JPH1: variants seen among roughly 807,000 people sequenced by gnomAD.
The protein encoded by JPH1 is junctophilin-1.
JPH1 carries 12 observed loss-of-function variants against 53.6 expected under a neutral mutation model. The ratio of observed to expected loss-of-function variants is 0.22; its 90% CI spans 0.14 to 0.36. JPH1 has a LOEUF of 0.36. Among genes scored for constraint, JPH1 ranks in the 10% least tolerant of loss-of-function variants. The probability of loss-of-function intolerance (pLI) is 1.00; values close to 1 mark genes in which losing one functional copy is unlikely to be tolerated. For synonymous variants in JPH1, 375 were observed against 363.8 expected, an observed-to-expected ratio of 1.03 and a Z score of -0.35; for missense variants, 808 against 905.5, an observed-to-expected ratio of 0.89 and a Z score of 1.38.
At chr8:74,272,123 ATG>A (rs1315644323) in intron 2 of JPH1, among the ~76,000 whole-genome samples, 1 of 152,170 alleles carries the variant, frequency 6.6e-6, no homozygotes, top group Non-Finnish European at 1.5e-5. Flanking sequence ...TAACTTTTGA[ATG>A]TGTGTTCCCT....
At chr8:74,310,740 T>C (rs1450838417) in intron 2 of JPH1, among the ~76,000 whole-genome samples, 1 of 152,212 alleles carries the variant, frequency 6.6e-6, no homozygotes, top group African/African-American at 2.4e-5. Context: ...CCTGGAGACA[T>C]TATTGGAGAA....
At chr8:74,284,412 G>A (rs1329501722) in intron 2 of JPH1, among the ~76,000 whole-genome samples, 1 of 152,062 alleles carries the variant, frequency 6.6e-6, no homozygotes, top group East Asian at 1.9e-4. Flanking sequence ...CTGTATTCCG[G>A]TCAAACGCTG....
chr8:74,250,253 C>T (rs1226888069), intron 3 of JPH1, among the ~76,000 whole-genome samples: 1 of 152,106 alleles, frequency 6.6e-6, no homozygotes, highest in Admixed American at 6.5e-5. Flanking sequence ...ATGCCTCAGC[C>T]TCCCAAGTAG....
intron 2 of JPH1, among the ~76,000 whole-genome samples, chr8:74,287,491 A>T (rs936631104): frequency 6.6e-6 from 1 of 152,076 alleles, no homozygotes; most frequent in African/African-American, 2.4e-5. Flanking sequence ...AAGGTTATCT[A>T]CTGATTGTTA....
intron 2 of JPH1, among the ~76,000 whole-genome samples, chr8:74,313,067 A>T (rs945666886): frequency 1.1e-4 from 17 of 152,188 alleles, no homozygotes; most frequent in Admixed American, 6.5e-4. Context: ...CTGTTATACA[A>T]ACTCCTCCAA....
At chr8:74,272,302 T>C (rs1806722315) in intron 2 of JPH1, among the ~76,000 whole-genome samples, 1 of 152,192 alleles carries the variant, frequency 6.6e-6, no homozygotes, top group African/African-American at 2.4e-5. Context: ...ACACAGGTAA[T>C]TCTGCCTAGT....
intron 3 of JPH1, among the ~76,000 whole-genome samples, chr8:74,245,915 G>GAAA (rs112727683): frequency 5.8e-5 from 5 of 86,226 alleles, no homozygotes; most frequent in Non-Finnish European, 8.2e-5. Flanking sequence ...AGGAAAAAAT[G>GAAA]AAAAAAAAAA....
intron 4 of JPH1, among the ~76,000 whole-genome samples, chr8:74,238,373 T>C (rs1805599483): frequency 6.6e-6 from 1 of 152,180 alleles, no homozygotes; most frequent in Non-Finnish European, 1.5e-5. Context: ...GGGTCACACA[T>C]CATTGACTCA....
chr8:74,306,086 A>C (rs898427138), intron 2 of JPH1, among the ~76,000 whole-genome samples: 6 of 152,194 alleles, frequency 3.9e-5, no homozygotes, highest in Admixed American at 2.6e-4. Context: ...GTCATAACAC[A>C]AAGTGTTCCC....
chr8:74,300,464 A>G (rs1213041858), intron 2 of JPH1, among the ~76,000 whole-genome samples: 6 of 152,210 alleles, frequency 3.9e-5, no homozygotes, highest in African/African-American at 1.4e-4. Flanking sequence ...CTAGCACAGT[A>G]CTAAGTGTGT....
At chr8:74,307,263 T>C (rs1465380882) in intron 2 of JPH1, among the ~76,000 whole-genome samples, 1 of 152,214 alleles carries the variant, frequency 6.6e-6, no homozygotes, top group African/African-American at 2.4e-5. Flanking sequence ...ATTGCAACAT[T>C]TTCCTAAATA....
chr8:74,268,625 A>C (rs1393128929), intron 2 of JPH1, among the ~76,000 whole-genome samples: 3 of 152,156 alleles, frequency 2.0e-5, no homozygotes, highest in Non-Finnish European at 4.4e-5. Flanking sequence ...TGGAGCAAAC[A>C]TCTGAAAGTG....
intron 4 of JPH1, among the ~76,000 whole-genome samples, chr8:74,238,520 G>C (rs915541331): frequency 6.6e-6 from 1 of 152,162 alleles, no homozygotes; most frequent in Non-Finnish European, 1.5e-5. Flanking sequence ...AAGACTCTGA[G>C]CTCCACAGTG....
At chr8:74,297,956 T>G (rs1482788348) in intron 2 of JPH1, among the ~76,000 whole-genome samples, 3 of 152,222 alleles carry the variant, frequency 2.0e-5, no homozygotes, top group Non-Finnish European at 4.4e-5. Flanking sequence ...TTTGTCTTAA[T>G]AGTAGCACAA....
At chr8:74,243,880 G>A (rs975111188) in intron 4 of JPH1, among the ~76,000 whole-genome samples, 22 of 152,150 alleles carry the variant, frequency 1.4e-4, no homozygotes, top group African/African-American at 5.3e-4. Context: ...CTAATAACCT[G>A]CATCTACCAG....
rs752626570 is a variant in JPH1 at position 74,315,195 on chromosome 8, C to T, written c.805G>A (p.Val269Met). The T allele has an allele frequency of 6.2e-7, 1 of 1,614,226 alleles. No homozygotes were observed. Among genetic ancestry groups the T allele is most frequent in the South Asian group, 1.1e-5 (1 of 91,090 alleles). ...GTGGTGGCGTCCACGTGGTCTTCCA[C>T]CGGGCAAAAATCACAATCTACATCG... Reference protein sequence around the residue: ...FGDVDCDFCPVEDHVDATTTE... With the variant: ...FGDVDCDFCPMEDHVDATTTE... Residue 269 changes from valine to methionine, a missense_variant, in exon 2 of 6, where the codon GTG becomes ATG. By Grantham distance (21) the Val-to-Met change is conservative. Transcript: ENST00000342232. The surrounding 1 kb of genome is among the most constrained non-coding windows in gnomAD (Gnocchi z 6.3).
intron 3 of JPH1, among the ~76,000 whole-genome samples, chr8:74,255,704 A>C (rs1281951666): frequency 6.6e-6 from 1 of 152,118 alleles, no homozygotes; most frequent in Non-Finnish European, 1.5e-5. Context: ...TACAAGAAAA[A>C]AACAACCCCA....
intron 2 of JPH1, among the ~76,000 whole-genome samples, chr8:74,304,529 A>G (rs1454082728): frequency 1.3e-5 from 2 of 152,210 alleles, no homozygotes; most frequent in African/African-American, 2.4e-5. Context: ...GCTGGCTTCC[A>G]TGGGTTATCT....
intron 2 of JPH1, among the ~76,000 whole-genome samples, chr8:74,307,040 G>C (rs1351273975): frequency 6.6e-6 from 1 of 152,090 alleles, no homozygotes; most frequent in Non-Finnish European, 1.5e-5. Context: ...ACACAGATCT[G>C]GTGCTGGAAA....
Sources: gnomAD v4.1 joint callset for allele counts (sites outside exome capture counted in the v4.1 genomes callset) on GRCh38, gnomAD v4.1.1 for gene constraint, Gnocchi (gnomAD v3.1) non-coding constraint, MANE v1.5 for transcripts, NCBI Gene and HGNC (gene_info 2026-07-23, HGNC 2026-07-21) for gene names.